Variants in DIS3L2 observed in about 807,000 individuals in gnomAD.
DIS3L2 encodes DIS3-like exonuclease 2.
In DIS3L2, 34 loss-of-function variants were observed where a neutral mutation model predicts 97.5. The observed-to-expected ratio is 0.35, with a 90% CI of 0.27 to 0.46. The LOEUF is 0.46. DIS3L2 is among the 20% of genes least tolerant of loss of function. The pLI is 1.00. For synonymous variants in DIS3L2, 435 were observed against 445.2 expected (o/e 0.98, Z 0.29); for missense variants, 1,038 against 1,146.0 (o/e 0.91, Z 1.36).
At chr2:231,979,647 G>A (rs1043007238) in intron 1 of DIS3L2, among the ~76,000 whole-genome samples, 39 of 151,140 alleles carry the variant, frequency 2.6e-4, no homozygotes, top group Non-Finnish European at 5.2e-4. Context: ...GTGTGATCTC[G>A]GCTCACTGCA....
At chr2:231,996,040 A>G (rs115601480) in intron 1 of DIS3L2, among the ~76,000 whole-genome samples, 1,601 of 152,310 alleles carry the variant, frequency 0.011, 37 homozygotes, top group African/African-American at 0.036. Flanking sequence ...ACATCTGCCA[A>G]ACAGCTAGAG....
At chr2:232,108,663 G>A (rs1320283973) in intron 6 of DIS3L2, among the ~76,000 whole-genome samples, 2 of 152,172 alleles carry the variant, frequency 1.3e-5, no homozygotes, top group African/African-American at 4.8e-5. Flanking sequence ...AAACCTCATA[G>A]TGTCAGCCCA....
At chr2:232,187,354 T>C (rs1239971234) in intron 9 of DIS3L2, among the ~76,000 whole-genome samples, 1 of 152,186 alleles carries the variant, frequency 6.6e-6, no homozygotes, top group Non-Finnish European at 1.5e-5. Flanking sequence ...TGGCAGCTCC[T>C]CAAAGGGTTA....
intron 9 of DIS3L2, among the ~76,000 whole-genome samples, chr2:232,168,982 T>A (rs569027892): frequency 6.6e-6 from 1 of 152,188 alleles, no homozygotes; most frequent in African/African-American, 2.4e-5. Context: ...TGAACAAAAA[T>A]AGATGTATTC....
chr2:231,983,244 C>G (rs1036574574), intron 1 of DIS3L2, among the ~76,000 whole-genome samples: 17 of 152,074 alleles, frequency 1.1e-4, no homozygotes, highest in Non-Finnish European at 2.4e-4. Flanking sequence ...AACTGAATGG[C>G]TTATAACAAT....
intron 6 of DIS3L2, among the ~76,000 whole-genome samples, chr2:232,119,443 C>G (rs1009014746): frequency 6.6e-6 from 1 of 152,128 alleles, no homozygotes; most frequent in African/African-American, 2.4e-5. Context: ...TGGAAGTCTA[C>G]TTAAACTTGG....
chr2:232,077,312 A>T (rs1008606369), intron 5 of DIS3L2, among the ~76,000 whole-genome samples: 10 of 152,286 alleles, frequency 6.6e-5, no homozygotes, highest in African/African-American at 2.2e-4. Context: ...CAAAAAAAAA[A>T]AAAACAGTAG....
chr2:232,209,184 G>A (rs867990375), intron 9 of DIS3L2, among the ~76,000 whole-genome samples: 7 of 152,114 alleles, frequency 4.6e-5, no homozygotes, highest in Admixed American at 1.3e-4. Flanking sequence ...GGAGTTACTA[G>A]GAGTAGGGTA....
At chr2:232,323,507 T>C (rs1301090492) in intron 14 of DIS3L2, among the ~76,000 whole-genome samples, 13 of 152,126 alleles carry the variant, frequency 8.5e-5, no homozygotes, top group Non-Finnish European at 1.9e-4. Flanking sequence ...GCCCGCCCAC[T>C]CACCTATAGA....
intron 12 of DIS3L2, among the ~76,000 whole-genome samples, chr2:232,257,481 C>T (rs1357328836): frequency 6.6e-6 from 1 of 152,176 alleles, no homozygotes; most frequent in African/African-American, 2.4e-5. Flanking sequence ...CTCTAAGAAG[C>T]AGCCAAAATC....
chr2:232,123,677 A>G (rs1697972111), intron 6 of DIS3L2, among the ~76,000 whole-genome samples: 2 of 152,192 alleles, frequency 1.3e-5, no homozygotes, highest in South Asian at 4.1e-4. Flanking sequence ...TGAAACAACT[A>G]AAAATATTTG....
intron 5 of DIS3L2, among the ~76,000 whole-genome samples, chr2:232,068,457 C>A (rs1441589390): frequency 6.7e-6 from 1 of 150,092 alleles, no homozygotes; most frequent in African/African-American, 2.5e-5. Context: ...TGATGGCATG[C>A]AATAGTCCCA....
Position 232,334,356 on chromosome 2 carries a change from C to G in DIS3L2, c.2159-13C>G. ...CCAGGCTCCCACTCTCATGCCTCAC[C>G]CCCTCTTCCCAGGCTATAGGGAGCG... On this transcript the variant is annotated splice_polypyrimidine_tract_variant and intron_variant, in intron 17 of 20. Transcript: ENST00000325385. The G allele has an allele frequency of 6.2e-7, 1 of 1,612,776 alleles. No individual in the cohort carries two copies. Among genetic ancestry groups the G allele is most frequent in the East Asian group, 2.2e-5 (1 of 44,838 alleles).
intron 14 of DIS3L2, among the ~76,000 whole-genome samples, chr2:232,313,557 C>T (rs530776130): frequency 2.0e-5 from 3 of 152,280 alleles, no homozygotes; most frequent in South Asian, 2.1e-4. Context: ...CGTGAACCCA[C>T]GAGGTCGTAA....
At chr2:232,128,629 A>G (rs1211010283) in intron 6 of DIS3L2, among the ~76,000 whole-genome samples, 1 of 151,348 alleles carries the variant, frequency 6.6e-6, no homozygotes, top group Non-Finnish European at 1.5e-5. Flanking sequence ...TAAATTTTAT[A>G]TTTTTAGTAG....
intron 12 of DIS3L2, among the ~76,000 whole-genome samples, chr2:232,255,078 C>G (rs1221634598): frequency 1.3e-5 from 2 of 152,196 alleles, no homozygotes; most frequent in Admixed American, 6.5e-5. Context: ...AAGGGATGGT[C>G]CTTCCTCAAG....
intron 10 of DIS3L2, among the ~76,000 whole-genome samples, chr2:232,233,619 A>G (rs553336614): frequency 4.6e-5 from 7 of 152,336 alleles, no homozygotes; most frequent in Admixed American, 2.0e-4. Context: ...ACCACTGTCC[A>G]GTCTCAGCAA....
intron 10 of DIS3L2, among the ~76,000 whole-genome samples, chr2:232,210,895 T>C (rs1197906237): frequency 6.6e-6 from 1 of 151,974 alleles, no homozygotes; most frequent in Non-Finnish European, 1.5e-5. Context: ...CTGGAGAAGC[T>C]TGGGCTACTC....
At chr2:232,139,964 G>A (rs912306242) in intron 8 of DIS3L2, among the ~76,000 whole-genome samples, 5 of 152,186 alleles carry the variant, frequency 3.3e-5, no homozygotes, top group African/African-American at 4.8e-5. Context: ...TGGAATCTTG[G>A]ATGAACTTTC....
Sources: allele counts gnomAD v4.1 joint callset (sites outside exome capture counted in the v4.1 genomes callset), GRCh38; gene constraint gnomAD v4.1.1; transcripts MANE v1.5; gene names NCBI Gene and HGNC (gene_info 2026-07-23, HGNC 2026-07-21).